HS6ST2: variants seen among roughly 807,000 people sequenced by gnomAD.
HS6ST2 encodes heparan-sulfate 6-O-sulfotransferase 2.
HS6ST2 carries 17 observed loss-of-function variants against 33.0 expected under a neutral mutation model. The observed-to-expected ratio is 0.52, with a 90% CI of 0.35 to 0.77. The LOEUF (loss-of-function observed/expected upper bound fraction) is 0.77. Among genes scored for constraint, HS6ST2 ranks in the 30% least tolerant of loss-of-function variants. The pLI, the probability that HS6ST2 is intolerant of heterozygous loss-of-function variation, is 0.01. For missense variants in HS6ST2, 519 were observed against 551.7 expected (o/e 0.94, Z 0.59); for synonymous variants, 248 against 237.1 (o/e 1.05, Z -0.42).
chrX:132,634,612 C>T (rs1007511893), intron 4 of HS6ST2, among the ~76,000 whole-genome samples: 5 of 111,956 alleles, frequency 4.5e-5, no homozygotes, highest in Non-Finnish European at 9.4e-5. Context: ...CAATACTCCC[C>T]TCATTCTTGC....
intron 2 of HS6ST2, among the ~76,000 whole-genome samples, chrX:132,787,186 T>TACATATATATATAC (rs1348493532): frequency 3.9e-5 from 3 of 77,160 alleles, no homozygotes; most frequent in Admixed American, 1.5e-4. Flanking sequence ...TATATATATA[T>TACATATATATATAC]ACATATATAT....
intron 2 of HS6ST2, among the ~76,000 whole-genome samples, chrX:132,804,290 A>G (rs1200095167): frequency 2.7e-5 from 3 of 111,734 alleles, no homozygotes; most frequent in Non-Finnish European, 3.8e-5. Context: ...CATTGCCACC[A>G]TCCACTGCTT....
chrX:132,724,312 T>G (rs1037638134), intron 2 of HS6ST2, among the ~76,000 whole-genome samples: 1 of 112,193 alleles, frequency 8.9e-6, no homozygotes, highest in African/African-American at 3.2e-5. Context: ...TCAGTAAAAT[T>G]GCAATTACAA....
intron 2 of HS6ST2, among the ~76,000 whole-genome samples, chrX:132,929,688 C>A (rs762435092): frequency 9.0e-6 from 1 of 111,470 alleles, no homozygotes; most frequent in South Asian, 3.8e-4. Context: ...GTGTGTGTAA[C>A]AAACAACAGA....
intron 2 of HS6ST2, among the ~76,000 whole-genome samples, chrX:132,842,761 G>A (rs1255629478): frequency 8.9e-6 from 1 of 112,122 alleles, no homozygotes; most frequent in African/African-American, 3.2e-5. Flanking sequence ...GGCCTGCCAT[G>A]CCTGGGATGT....
Position 132,934,960 on chromosome X carries a change from T to C in HS6ST2, c.947+21848A>G, listed in dbSNP as rs185637863. 9.9e-5 allele frequency among the ~76,000 whole-genome samples: 11 copies of C among 110,993 alleles called. No homozygotes were observed. In the Admixed American group the frequency reaches 1.1e-3, roughly 11 times the overall value. ...TCATGGAAACAAGAACCACAAGAAA[T>C]ATGGAATGGCTATACTAATATCAGA... is the stretch of plus-strand genomic sequence containing the variant. On this transcript the variant is annotated intron_variant, in intron 2 of 4. Coordinates refer to ENST00000370833, the MANE Select transcript of HS6ST2 (RefSeq NM_001394073.1).
At chrX:132,907,489 A>T (rs1471688188) in intron 2 of HS6ST2, 2 of 113,654 alleles carry the variant, frequency 1.8e-5, no homozygotes, top group African/African-American at 6.5e-5. Context: ...AGTAAAAAGG[A>T]ATCTTGTAAG....
At chrX:132,729,530 T>TTTCTTCATA (rs1372745605) in intron 2 of HS6ST2, among the ~76,000 whole-genome samples, 6 of 111,516 alleles carry the variant, frequency 5.4e-5, no homozygotes, top group African/African-American at 2.0e-4. Flanking sequence ...GAGGCTGGAT[T>TTTCTTCATA]TTCTTCATAT....
At chrX:132,788,083 G>A (rs1159535293) in intron 2 of HS6ST2, among the ~76,000 whole-genome samples, 2 of 110,792 alleles carry the variant, frequency 1.8e-5, no homozygotes, top group Non-Finnish European at 3.8e-5. Flanking sequence ...ATGATTCTTT[G>A]CAACCAAAAG....
At chrX:132,954,593 T>A (rs201237682) in intron 2 of HS6ST2, among the ~76,000 whole-genome samples, 1 of 111,979 alleles carries the variant, frequency 8.9e-6, no homozygotes, top group East Asian at 2.8e-4. Context: ...CCCTAGGCTA[T>A]CCCTATTCTT....
intron 2 of HS6ST2, among the ~76,000 whole-genome samples, chrX:132,945,486 G>A (rs186537444): frequency 2.1e-4 from 23 of 111,007 alleles, no homozygotes; most frequent in Admixed American, 1.3e-3. Flanking sequence ...ACCATTTGAC[G>A]CAGCCATCCC....
At chrX:132,706,161 G>A (rs893720322) in intron 3 of HS6ST2, among the ~76,000 whole-genome samples, 5 of 110,967 alleles carry the variant, frequency 4.5e-5, no homozygotes, top group African/African-American at 1.3e-4. Flanking sequence ...AGGAGGGAGT[G>A]TGACGGGATG....
chrX:132,886,351 G>A (rs758751586), intron 2 of HS6ST2, among the ~76,000 whole-genome samples: 1 of 111,293 alleles, frequency 9.0e-6, no homozygotes, highest in South Asian at 3.8e-4. Context: ...GCAGAAGAAA[G>A]AATTTGTGAA....
intron 2 of HS6ST2, among the ~76,000 whole-genome samples, chrX:132,803,120 C>T (rs778966480): frequency 2.8e-4 from 31 of 111,637 alleles, no homozygotes; most frequent in Non-Finnish European, 5.3e-4. Flanking sequence ...AGATCCGAGG[C>T]TCTCTACTTG....
At chrX:132,654,260 G>A (rs1308349100) in intron 4 of HS6ST2, among the ~76,000 whole-genome samples, 1 of 111,118 alleles carries the variant, frequency 9.0e-6, no homozygotes, top group Non-Finnish European at 1.9e-5. Context: ...AACTCAATGA[G>A]ATATATACAT....
At chrX:132,733,998 A>G (rs1315113893) in intron 2 of HS6ST2, among the ~76,000 whole-genome samples, 1 of 101,435 alleles carries the variant, frequency 9.9e-6, no homozygotes, top group Non-Finnish European at 2.0e-5. Context: ...TAAAAAAAAA[A>G]GCAACAGTCT....
intron 2 of HS6ST2, among the ~76,000 whole-genome samples, chrX:132,910,936 G>A (rs903892186): frequency 1.8e-5 from 2 of 111,174 alleles, no homozygotes; most frequent in Non-Finnish European, 3.8e-5. Flanking sequence ...GTTCACTTGA[G>A]GTCAGGAGTT....
intron 2 of HS6ST2, among the ~76,000 whole-genome samples, chrX:132,923,282 G>A (rs2066674550): frequency 9.0e-6 from 1 of 111,142 alleles, no homozygotes. Flanking sequence ...GTTAATGCCA[G>A]AGAGGTAATC....
chrX:132,845,942 G>T (rs1401616414), intron 2 of HS6ST2, among the ~76,000 whole-genome samples: 1 of 111,428 alleles, frequency 9.0e-6, no homozygotes, highest in African/African-American at 3.3e-5. Flanking sequence ...CCTGTAAAAG[G>T]CCAGAAAATA....
Sources: gnomAD v4.1 joint callset for allele counts (sites outside exome capture counted in the v4.1 genomes callset) on GRCh38, gnomAD v4.1.1 for gene constraint, MANE v1.5 for transcripts, NCBI Gene and HGNC (gene_info 2026-07-23, HGNC 2026-07-21) for gene names.